Variants in NEURL1 observed in about 807,000 individuals in gnomAD.
The protein encoded by NEURL1 is neuralized E3 ubiquitin protein ligase 1.
In NEURL1, 26 loss-of-function variants were observed where a neutral mutation model predicts 41.2. The observed-to-expected ratio is 0.63, with a 90% CI of 0.46 to 0.87. The LOEUF (loss-of-function observed/expected upper bound fraction) is 0.87. Ranked by LOEUF, NEURL1 falls within the 40% of genes least tolerant of loss-of-function variation. The probability of loss-of-function intolerance (pLI) is 0.00; values close to 1 mark genes in which losing one functional copy is unlikely to be tolerated. For synonymous variants in NEURL1, 400 were observed against 402.3 expected (o/e 0.99, Z 0.07); for missense variants, 761 against 871.1 (o/e 0.87, Z 1.59).
At chr10:103,514,336 C>T (rs926330690) in intron 1 of NEURL1, among the ~76,000 whole-genome samples, 1 of 152,098 alleles carries the variant, frequency 6.6e-6, no homozygotes, top group Non-Finnish European at 1.5e-5. Context: ...GTGATCTGCC[C>T]ACCTCGGCCT....
At chr10:103,546,394 G>A (rs1439231178) in intron 1 of NEURL1, among the ~76,000 whole-genome samples, 2 of 152,202 alleles carry the variant, frequency 1.3e-5, no homozygotes, top group Admixed American at 6.5e-5. Context: ...CTGTACAAAG[G>A]GATGAGCATC....
chr10:103,574,660 A>G (rs2035619650), intron 3 of NEURL1, among the ~76,000 whole-genome samples: 1 of 152,200 alleles, frequency 6.6e-6, no homozygotes, highest in Admixed American at 6.5e-5. Context: ...CATGGGAATG[A>G]AGTGGAACAC....
chr10:103,589,407 G>A, intron 4 of NEURL1, 107 bp from the exon 5 acceptor site: 2 of 1,278,856 alleles, frequency 1.6e-6, no homozygotes, highest in Non-Finnish European at 1.1e-6. Flanking sequence ...TGGCCCTGTG[G>A]CTGGGCTGTG....
intron 1 of NEURL1, among the ~76,000 whole-genome samples, chr10:103,562,425 A>C (rs1302246604): frequency 6.6e-6 from 1 of 152,176 alleles, no homozygotes; most frequent in East Asian, 1.9e-4. Context: ...TCTCTGCCCT[A>C]GGGAGGCTCA....
chr10:103,558,654 T>G lies in NEURL1; in HGVS notation c.86-12218T>G, dbSNP rs919582486. On this transcript the variant is annotated intron_variant, in intron 1 of 5. Coordinates refer to ENST00000369780, the MANE Select transcript of NEURL1 (RefSeq NM_004210.5). The surrounding 1 kb of genome is among the most constrained non-coding windows in gnomAD (Gnocchi z 4.2). ...AAAATGGTTTAAGCGGTTACACGCTTGATCTCTTCCATTCGGTAGGTTTCC... is the reference window on the plus strand; with the variant it reads ...AAAATGGTTTAAGCGGTTACACGCTGGATCTCTTCCATTCGGTAGGTTTCC... Among the ~76,000 whole-genome samples the G allele has an allele frequency of 7.2e-5, 11 of 152,116 alleles. No homozygotes were observed. The highest frequency in any genetic ancestry group is 1.3e-4 in the Admixed American group (2 of 15,280).
In NEURL1 at chr10:103,494,287, C is replaced by G; in HGVS notation, c.-101C>G. The stretch of plus-strand genomic sequence containing the variant: ...CTGCAGCCCCAGCAGGGCCCTCCCC[C>G]GGTGGCGCGCACCCGCGCGCGCACA... On this transcript the variant is annotated 5_prime_UTR_variant, in exon 1 of 6. Coordinates refer to ENST00000369780, the MANE Select transcript of NEURL1 (RefSeq NM_004210.5). 8.6e-6 allele frequency: 8 copies of G among 932,482 alleles called. No homozygotes were observed. The highest frequency in any genetic ancestry group is 1.3e-5 in the Non-Finnish European group (8 of 636,502). The allele number at this position is 932,482 out of a possible 1,614,324, so 57.8% of individuals were successfully genotyped here. A position where few individuals can be genotyped will look rare whatever the true frequency, so the allele number is the denominator to read the frequency against.
At chr10:103,533,772 C>A (rs12780198) in intron 1 of NEURL1, among the ~76,000 whole-genome samples, 12 of 151,984 alleles carry the variant, frequency 7.9e-5, no homozygotes, top group Admixed American at 2.0e-4. Flanking sequence ...TGCTGACCTT[C>A]TGATCCGCCC....
chr10:103,542,247 G>A (rs2034836020), intron 1 of NEURL1, among the ~76,000 whole-genome samples: 1 of 152,128 alleles, frequency 6.6e-6, no homozygotes, highest in African/African-American at 2.4e-5. Flanking sequence ...TGGATACTGG[G>A]CATCAGTAAT....
intron 1 of NEURL1, among the ~76,000 whole-genome samples, chr10:103,530,995 G>A (rs2034559086): frequency 6.6e-6 from 1 of 152,118 alleles, no homozygotes. Flanking sequence ...GGCTGAGCAG[G>A]TGGATCAAGA....
chr10:103,520,507 G>A (rs887206772), intron 1 of NEURL1, among the ~76,000 whole-genome samples: 5 of 152,054 alleles, frequency 3.3e-5, no homozygotes, highest in Admixed American at 3.3e-4. Context: ...TCACAATGGT[G>A]GAATGTCATC....
intron 1 of NEURL1, among the ~76,000 whole-genome samples, chr10:103,507,853 C>A (rs1164641686): frequency 6.6e-6 from 1 of 152,206 alleles, no homozygotes; most frequent in Non-Finnish European, 1.5e-5. Context: ...CCTGCCCCAG[C>A]CAGGCTCTCT....
At chr10:103,519,320 C>T (rs1345360166) in intron 1 of NEURL1, among the ~76,000 whole-genome samples, 1 of 152,148 alleles carries the variant, frequency 6.6e-6, no homozygotes, top group African/African-American at 2.4e-5. Flanking sequence ...TGTCCCCTCC[C>T]AAAAGAGAGT....
intron 1 of NEURL1, among the ~76,000 whole-genome samples, chr10:103,515,598 A>G (rs2034185952): frequency 6.6e-6 from 1 of 152,250 alleles, no homozygotes; most frequent in East Asian, 1.9e-4. Context: ...CACTTCTGCA[A>G]GGTCAGTGAG....
chr10:103,584,986 C>A lies in NEURL1; in HGVS notation c.1100C>A (p.Pro367Gln). ...VTTCDPGTLR[P>Q]ADLPFSPEAL... is the part of the protein sequence containing the mutation. Reference sequence around the variant, plus strand: ...ACGTGCGACCCCGGCACGCTGCGGCCGGCCGACCTGCCTTTCAGCCCTGAG... The same window carrying A: ...ACGTGCGACCCCGGCACGCTGCGGCAGGCCGACCTGCCTTTCAGCCCTGAG... Residue 367 changes from proline (P) to glutamine (Q), a missense_variant, in exon 4 of 6, where the codon CCG (proline) becomes CAG (glutamine). Around this residue, in one of 5 missense-constraint regions of NEURL1, gnomAD observed 443 missense variants for 408.1 expected, o/e 1.09. Transcript: ENST00000369780. The A allele has an allele frequency of 6.5e-7, 1 of 1,540,972 alleles. No homozygotes were observed. Among genetic ancestry groups the A allele is most frequent in the Non-Finnish European group, 8.7e-7 (1 of 1,153,416 alleles).
intron 1 of NEURL1, among the ~76,000 whole-genome samples, chr10:103,507,896 C>T (rs1310373908): frequency 1.3e-5 from 2 of 152,176 alleles, no homozygotes; most frequent in Non-Finnish European, 2.9e-5. Context: ...GTTCCAGTTC[C>T]CAGCCACACA....
chr10:103,537,162 A>G (rs1414387284), intron 1 of NEURL1, among the ~76,000 whole-genome samples: 2 of 152,184 alleles, frequency 1.3e-5, no homozygotes, highest in East Asian at 3.8e-4. Flanking sequence ...TTATCCATTC[A>G]TCAGTCAATG....
intron 1 of NEURL1, among the ~76,000 whole-genome samples, chr10:103,561,201 G>C (rs1375513743): frequency 1.3e-5 from 2 of 152,146 alleles, no homozygotes; most frequent in Non-Finnish European, 2.9e-5. Flanking sequence ...ACCAAGATGG[G>C]AGCCACAGTC....
Position 103,558,761 on chromosome 10 carries a change from G to A in NEURL1, c.86-12111G>A, listed in dbSNP as rs1300925145. Among the ~76,000 whole-genome samples, 1 of 152,110 alleles carries A rather than the reference G, an allele frequency of 6.6e-6. No homozygotes were observed. The highest frequency in any genetic ancestry group is 1.5e-5 in the Non-Finnish European group (1 of 68,014). On this transcript the variant is annotated intron_variant, in intron 1 of 5. Coordinates refer to ENST00000369780, the MANE Select transcript of NEURL1 (RefSeq NM_004210.5). This position sits in a 1 kb window ranked among gnomAD's most constrained non-coding sequence, Gnocchi z 4.2. ...AGGGAGGCAGCAGTGACACTGGGAG[G>A]TCCCCCTCCTCTCGCCTCTGCCGTC...
intron 3 of NEURL1, among the ~76,000 whole-genome samples, chr10:103,579,740 G>A (rs1234062845): frequency 6.6e-6 from 1 of 152,094 alleles, no homozygotes; most frequent in Non-Finnish European, 1.5e-5. Flanking sequence ...TGAGGAGTTC[G>A]AAACCAGCCT....
Sources: allele counts gnomAD v4.1 joint callset (sites outside exome capture counted in the v4.1 genomes callset), GRCh38; gene constraint gnomAD v4.1.1; regional missense constraint gnomAD v4.1.1; non-coding constraint Gnocchi (gnomAD v3.1); transcripts MANE v1.5; gene names NCBI Gene and HGNC (gene_info 2026-07-23, HGNC 2026-07-21).